The following STAG1 variants were observed in gnomAD, a reference collection of about 807,000 sequenced individuals.
The protein encoded by STAG1 is STAG1 cohesin complex component, also known as cohesin subunit SA-1.
In STAG1, 26 loss-of-function variants were observed where a neutral mutation model predicts 170.9. That is an observed-to-expected ratio of 0.15 (90% confidence interval 0.11 to 0.21). The LOEUF is 0.21. STAG1 is among the 10% of genes least tolerant of loss of function. STAG1 has a pLI of 1.00. For missense variants in STAG1, 964 were observed against 1,509.5 expected (o/e 0.64, Z 5.99); for synonymous variants, 514 against 497.7 (o/e 1.03, Z -0.44).
At chr3:136,364,075 T>C (rs1936981807) in intron 25 of STAG1, among the ~76,000 whole-genome samples, 2 of 150,180 alleles carry the variant, frequency 1.3e-5, no homozygotes, top group South Asian at 4.2e-4. Flanking sequence ...CATTCTTGTT[T>C]TTTGTTTTTG....
In STAG1 at chr3:136,733,888, A is replaced by G. The variant is rs529472276; in HGVS notation, c.-84+18307T>C. On this transcript the variant is annotated intron_variant, in intron 1 of 33. Transcript: ENST00000383202. ...TTCAGGAGGCCAAGGCGGGCGGATC[A>G]CAAGGTCAGGAGATCAAGACCATCC... 2.6e-5 allele frequency among the ~76,000 whole-genome samples: 4 copies of G among 152,286 alleles called. No individual in the cohort carries two copies. The South Asian group carries it at 8.3e-4, about 32-fold the overall frequency.
intron 3 of STAG1, among the ~76,000 whole-genome samples, chr3:136,616,025 T>C (rs1939576179): frequency 6.6e-6 from 1 of 151,822 alleles, no homozygotes; most frequent in Non-Finnish European, 1.5e-5. Context: ...TCCCAGCACT[T>C]TGGGAGGCCA....
At chr3:136,729,570 CTTTTTTTTT>C (rs34078029) in intron 1 of STAG1, among the ~76,000 whole-genome samples, 9 of 94,668 alleles carry the variant, frequency 9.5e-5, no homozygotes, top group East Asian at 4.4e-4. Context: ...TGTAGTTTTC[CTTTTTTTTT>C]TTTTTTTTTT....
At chr3:136,467,886 A>G (rs369542085) in intron 12 of STAG1, among the ~76,000 whole-genome samples, 16 of 152,306 alleles carry the variant, frequency 1.1e-4, no homozygotes, top group Middle Eastern at 3.4e-3. Flanking sequence ...CACGGAAACT[A>G]AACAACCTGC....
chr3:136,568,518 G>A (rs1166605053), intron 5 of STAG1, among the ~76,000 whole-genome samples: 4 of 151,994 alleles, frequency 2.6e-5, no homozygotes, highest in South Asian at 2.1e-4. Context: ...ACTACTGAAC[G>A]AATTTCAGAT....
At chr3:136,571,609 C>T (rs527306215) in intron 4 of STAG1, among the ~76,000 whole-genome samples, 5 of 152,108 alleles carry the variant, frequency 3.3e-5, no homozygotes, top group Non-Finnish European at 7.4e-5. Context: ...GTGACTTGCA[C>T]CTGTAATTCC....
chr3:136,713,713 T>C (rs1943446406), intron 1 of STAG1, among the ~76,000 whole-genome samples: 1 of 151,200 alleles, frequency 6.6e-6, no homozygotes, highest in African/African-American at 2.4e-5. Flanking sequence ...TATAGCAAGA[T>C]CCTGTCTCTA....
At chr3:136,719,618 G>A (rs1168827216) in intron 1 of STAG1, among the ~76,000 whole-genome samples, 9 of 140,652 alleles carry the variant, frequency 6.4e-5, no homozygotes, top group Non-Finnish European at 1.4e-4. Context: ...TGGGTGGGTA[G>A]GTGGGTGGCT....
intron 22 of STAG1, among the ~76,000 whole-genome samples, chr3:136,388,969 T>C (rs2086936531): frequency 6.6e-6 from 1 of 152,122 alleles, no homozygotes; most frequent in Non-Finnish European, 1.5e-5. Context: ...ATATAATAAG[T>C]TTAAAAAATA....
rs150048785 is a variant in STAG1 at position 136,363,411 on chromosome 3, A to C, written c.2742T>G (p.Ile914Met). The C allele has an allele frequency of 1.3e-5, 21 of 1,608,108 alleles. No homozygotes were observed. Among genetic ancestry groups the C allele is most frequent in the Non-Finnish European group, 1.6e-5 (19 of 1,175,988 alleles). ...IKETLSKTRQ[I>M]DKIQCAKTLI... ...GAGTCTTGGCACACTGAATTTTATC[A>C]ATCTGCCTGGTTTTACTCAGTGTTT... The change falls in exon 26 of 34, where the codon ATT becomes ATG. Residue 914 changes from isoleucine (I) to methionine (M), a missense_variant. This residue lies in a region of STAG1 where 149 missense variants were observed against 301.3 expected (regional missense o/e 0.49). Coordinates refer to ENST00000383202, the MANE Select transcript of STAG1 (RefSeq NM_005862.3).
At chr3:136,424,354 A>G (rs1576452482) in intron 16 of STAG1, among the ~76,000 whole-genome samples, 1 of 132,722 alleles carries the variant, frequency 7.5e-6, no homozygotes, top group Non-Finnish European at 1.6e-5. Flanking sequence ...TTTTGAGACG[A>G]AGTCTTGTTG....
In STAG1 at chr3:136,423,035, C is replaced by G; in HGVS notation, c.1660G>C (p.Ala554Pro). Residue 554 changes from alanine to proline, a missense_variant, in exon 17 of 34, where the codon GCC (alanine) becomes CCC (proline). Physicochemically the swap from Ala to Pro is conservative, Grantham distance 27 (BLOSUM62 -1). This residue lies in a region of STAG1 where 232 missense variants were observed against 313.0 expected (regional missense o/e 0.74). Transcript: ENST00000383202. ...GRGTGKRVLT[A>P]KERKTQIDDR... ...TCAATTTGAGTTTTCCTTTCTTTGG[C>G]AGTTAGCACCTAGAAACAAAATCGG... 1 of 1,600,328 alleles carries G rather than the reference C, an allele frequency of 6.2e-7. No individual in the cohort carries two copies. Among genetic ancestry groups the G allele is most frequent in the East Asian group, 2.2e-5 (1 of 44,588 alleles).
intron 22 of STAG1, among the ~76,000 whole-genome samples, chr3:136,392,764 T>TA (rs2087044881): frequency 1.4e-4 from 6 of 44,110 alleles, no homozygotes; most frequent in African/African-American, 3.3e-4. Flanking sequence ...AGGCTCCGTC[T>TA]CAAAAAAAAA....
chr3:136,338,580 AGAG>A, intron 32 of STAG1, 130 bp from the exon 33 acceptor site: 1 of 663,192 alleles, frequency 1.5e-6, no homozygotes, highest in Non-Finnish European at 2.6e-6. Context: ...GAAAGGAAGA[AGAG>A]AATCTGGCTT....
chr3:136,458,099 GTTAT>G (rs2089168844), intron 13 of STAG1, among the ~76,000 whole-genome samples: 1 of 152,138 alleles, frequency 6.6e-6, no homozygotes, highest in South Asian at 2.1e-4. Flanking sequence ...TACAATCAAA[GTTAT>G]TATAAGTTTA....
In STAG1 at chr3:136,599,142, T is replaced by C. The variant is rs538002349; in HGVS notation, c.297+5167A>G. 1.8e-3 allele frequency among the ~76,000 whole-genome samples: 279 copies of C among 152,320 alleles called. 1 individual carries two copies. The highest frequency in any genetic ancestry group is 5.2e-3 in the African/African-American group (218 of 41,566). ...AAACATACATGCATGTGTATGTTCA[T>C]TGCAGCACTATTCATAATAGGAAAG... is the stretch of plus-strand genomic sequence containing the variant. On this transcript the variant is annotated intron_variant, in intron 4 of 33. Coordinates refer to ENST00000383202, the MANE Select transcript of STAG1 (RefSeq NM_005862.3).
intron 22 of STAG1, among the ~76,000 whole-genome samples, chr3:136,389,380 G>A (rs558125133): frequency 3.1e-4 from 47 of 152,142 alleles, no homozygotes; most frequent in African/African-American, 1.0e-3. Flanking sequence ...TGTGATCTCC[G>A]CCTCCCAGTT....
intron 1 of STAG1, among the ~76,000 whole-genome samples, chr3:136,740,503 CAG>C (rs1934608071): frequency 6.6e-6 from 1 of 152,048 alleles, no homozygotes; most frequent in South Asian, 2.1e-4. Flanking sequence ...TTTTTTGAGA[CAG>C]AGTCTCACTT....
chr3:136,749,151 A>C (rs2107960338), intron 1 of STAG1, among the ~76,000 whole-genome samples: 1 of 152,304 alleles, frequency 6.6e-6, no homozygotes, highest in African/African-American at 2.4e-5. Context: ...TGATTATATG[A>C]CAAAATATAT....
Sources: allele counts gnomAD v4.1 joint callset (sites outside exome capture counted in the v4.1 genomes callset), GRCh38; gene constraint gnomAD v4.1.1; regional missense constraint gnomAD v4.1.1; transcripts MANE v1.5; gene names NCBI Gene and HGNC (gene_info 2026-07-23, HGNC 2026-07-21).